DNAH5: variants seen among roughly 807,000 people sequenced by gnomAD.
DNAH5 encodes dynein axonemal heavy chain 5.
A neutral mutation model predicts 518.2 loss-of-function variants in DNAH5; 372 were observed. The observed-to-expected ratio is 0.72, with a 90% CI of 0.66 to 0.78. The LOEUF is 0.78. Among genes scored for constraint, DNAH5 ranks in the 30% least tolerant of loss-of-function variants. The pLI is 0.00. For synonymous variants in DNAH5, 2,039 were observed against 2,025.9 expected (o/e 1.01, Z -0.17); for missense variants, 5,523 against 5,687.0 (o/e 0.97, Z 0.93).
In DNAH5 at chr5:13,859,572, T is replaced by C. The variant is rs770184036; in HGVS notation, c.4830A>G (p.Lys1610=). The change falls in exon 30 of 79, where the codon AAA becomes AAG. Residue 1610 remains lysine, a synonymous_variant. Transcript: ENST00000265104. The part of the protein sequence containing the change: ...YNMPFKAQIQ[K]WVQYLSNSTD... ...TTGAGTTGGAAAGGTACTGCACCCA[T>C]TTTTGAATCTGGGCTTTGAATGGCA... 5 of 1,614,076 alleles carry C rather than the reference T, an allele frequency of 3.1e-6. No individual in the cohort carries two copies. The highest frequency in any genetic ancestry group is 4.2e-6 in the Non-Finnish European group (5 of 1,179,932).
intron 30 of DNAH5, among the ~76,000 whole-genome samples, chr5:13,853,376 G>GTTCT (rs1767162507): frequency 3.9e-5 from 6 of 152,106 alleles, no homozygotes; most frequent in Non-Finnish European, 8.8e-5. Flanking sequence ...GTCACCAACA[G>GTTCT]CAAAGACCAA....
In DNAH5 at chr5:13,885,005, G is replaced by A; in HGVS notation, c.2967C>T (p.His989=). 2 of 1,614,188 alleles carry A rather than the reference G, an allele frequency of 1.2e-6. No individual in the cohort carries two copies. Among genetic ancestry groups the A allele is most frequent in the Non-Finnish European group, 1.7e-6 (2 of 1,180,028 alleles). The part of the protein sequence containing the change: ...EAIRKRIHSS[H]TINFRDSNSA... ...GATTATTACCCCGGAAGTTAATTGT[G>A]TGAGAGGAATGAATACGTTTGCGAA... is the stretch of plus-strand genomic sequence containing the variant. Residue 989 remains histidine (H), a synonymous_variant, in exon 19 of 79, where the codon CAC becomes CAT. Transcript: ENST00000265104.
At chr5:13,753,036 G>T (rs886503929) in intron 63 of DNAH5, among the ~76,000 whole-genome samples, 197 bp downstream of exon 63, 1 of 152,198 alleles carries the variant, frequency 6.6e-6, no homozygotes, top group Admixed American at 6.5e-5. Flanking sequence ...GGCATTGGTA[G>T]AGATCAACAC....
chr5:13,946,357 T>A (rs1245295921), upstream of DNAH5, among the ~76,000 whole-genome samples: 1 of 152,178 alleles, frequency 6.6e-6, no homozygotes, highest in Non-Finnish European at 1.5e-5. Flanking sequence ...CCTTCCAGTC[T>A]GTGTGGCTGA....
intron 78 of DNAH5, among the ~76,000 whole-genome samples, chr5:13,699,820 C>G (rs966400893): frequency 2.6e-5 from 4 of 152,186 alleles, no homozygotes; most frequent in African/African-American, 9.7e-5. Context: ...TTGGGATCCA[C>G]TATCATGGCT....
chr5:13,829,420 G>T, intron 38 of DNAH5, 90 bp downstream of exon 38: 1 of 1,351,242 alleles, frequency 7.4e-7, no homozygotes, highest in Non-Finnish European at 1.1e-6. Flanking sequence ...TTGTCAACAA[G>T]CCCAGTCTAG....
intron 1 of DNAH5, among the ~76,000 whole-genome samples, chr5:13,969,706 A>T (rs1454810417): frequency 6.6e-6 from 1 of 152,178 alleles, no homozygotes; most frequent in African/African-American, 2.4e-5. Flanking sequence ...AAATTTATCA[A>T]GACTTGTTTT....
intron 22 of DNAH5, among the ~76,000 whole-genome samples, chr5:13,875,254 G>C (rs1437536610): frequency 1.3e-5 from 2 of 152,098 alleles, no homozygotes; most frequent in African/African-American, 2.4e-5. Flanking sequence ...GATCACCTGA[G>C]GTCAGGAGTT....
At chr5:13,916,987 C>T (rs954381542) in intron 8 of DNAH5, among the ~76,000 whole-genome samples, 156 bp downstream of exon 8, 13 of 152,032 alleles carry the variant, frequency 8.6e-5, no homozygotes, top group Non-Finnish European at 1.3e-4. Context: ...TGTGCGTCTG[C>T]GTGTATATAC....
At chr5:13,924,407 G>A (rs1398982662) in intron 3 of DNAH5, among the ~76,000 whole-genome samples, 1 of 152,024 alleles carries the variant, frequency 6.6e-6, no homozygotes, top group African/African-American at 2.4e-5. Flanking sequence ...CGGGCGTGGT[G>A]GCTCATGCTT....
Position 13,864,412 on chromosome 5 carries a change from A to C in DNAH5, c.4581T>G (p.Tyr1527Ter). Residue 1527 changes from tyrosine to a stop codon, truncating the protein, a stop_gained, in exon 28 of 79, where the codon TAT becomes TAG. Coordinates refer to ENST00000265104, the MANE Select transcript of DNAH5 (RefSeq NM_001369.3). LOFTEE classifies it high-confidence loss of function. ...RNIMEAPLLK[Y>*]KEEIEDICIS... ...CATACTCTACCTCTATTTCCTCTTTATATTTCAGAAGAGGTGCCTCCATGA... is the reference window on the plus strand; with the variant it reads ...CATACTCTACCTCTATTTCCTCTTTCTATTTCAGAAGAGGTGCCTCCATGA... 6.2e-7 allele frequency: 1 copy of C among 1,613,978 alleles called. No homozygotes were observed. Among genetic ancestry groups the C allele is most frequent in the East Asian group, 2.2e-5 (1 of 44,876 alleles).
At chr5:13,864,694 ACCAAGACGG>A in intron 27 of DNAH5, 57 bp from the exon 28 acceptor site, 1 of 1,588,746 alleles carries the variant, frequency 6.3e-7, no homozygotes, top group Non-Finnish European at 8.6e-7. Flanking sequence ...ACATCACTGG[ACCAAGACGG>A]TCTGCTAGTA....
intron 43 of DNAH5, 28 bp downstream of exon 43, chr5:13,814,577 A>G: frequency 6.2e-7 from 1 of 1,610,366 alleles, no homozygotes; most frequent in Non-Finnish European, 8.5e-7. Context: ...TTCCTTTTTA[A>G]TTATACAAAA....
intron 70 of DNAH5, 104 bp from the exon 71 acceptor site, chr5:13,721,349 T>C: frequency 7.2e-7 from 1 of 1,393,670 alleles, no homozygotes; most frequent in East Asian, 2.3e-5. Flanking sequence ...CTCAGTGATG[T>C]CCACAGTAAC....
At position 13,786,219 on chromosome 5, in the gene DNAH5, T is replaced by C. The variant is rs1426649944; in HGVS notation, c.8780A>G (p.Asp2927Gly). The change falls in exon 52 of 79, where the codon GAC becomes GGC. Residue 2927 changes from aspartate to glycine, a missense_variant. By Grantham distance (94) the Asp-to-Gly change is moderately conservative (BLOSUM62 -1). Around this residue, in one of 3 missense-constraint regions of DNAH5, gnomAD observed 5,121 missense variants for 5,223.3 expected, o/e 0.98. Coordinates refer to ENST00000265104, the MANE Select transcript of DNAH5 (RefSeq NM_001369.3). The part of the protein sequence containing the change: ...YNESIRGAGM[D>G]MVFFADAMVH... The stretch of plus-strand genomic sequence containing the variant: ...CATGGCATCTGCAAAGAACACCATG[T>C]CCATGCCGGCGCCACGGATGCTCTC... 3.7e-6 allele frequency: 6 copies of C among 1,614,070 alleles called. No homozygotes were observed. The highest frequency in any genetic ancestry group is 2.7e-5 in the African/African-American group (2 of 75,038).
In DNAH5 at chr5:13,792,024, G is replaced by T. The variant is rs769684045; in HGVS notation, c.8418C>A (p.Asn2806Lys). Residue 2806 changes from asparagine (N) to lysine (K), a missense_variant, in exon 50 of 79, where the codon AAC becomes AAA. Around this residue, in one of 3 missense-constraint regions of DNAH5, gnomAD observed 5,121 missense variants for 5,223.3 expected, o/e 0.98. Transcript: ENST00000265104. The stretch of plus-strand genomic sequence containing the variant: ...GTTCCTTGATGACCTCTGAAGTAGT[G>T]TTCAGCATTCCCTGCCAGACCCGAG... ...DLSRVWQGML[N>K]TTSEVIKEPN... The T allele has an allele frequency of 6.2e-7, 1 of 1,613,944 alleles. No individual in the cohort carries two copies. The highest frequency in any genetic ancestry group is 8.5e-7 in the Non-Finnish European group (1 of 1,179,942).
intron 1 of DNAH5, among the ~76,000 whole-genome samples, chr5:13,959,991 T>A (rs906913016): frequency 1.3e-5 from 2 of 151,696 alleles, no homozygotes; most frequent in African/African-American, 2.4e-5. Context: ...TCCTCATGAC[T>A]GAGTCCAGGA....
intron 58 of DNAH5, among the ~76,000 whole-genome samples, chr5:13,768,700 A>T (rs1752867754): frequency 6.6e-6 from 1 of 152,238 alleles, no homozygotes; most frequent in Non-Finnish European, 1.5e-5. Flanking sequence ...CAGAGTTGAA[A>T]TGAGGACCCA....
chr5:13,960,708 G>A (rs919654813), intron 1 of DNAH5, among the ~76,000 whole-genome samples: 4 of 152,132 alleles, frequency 2.6e-5, no homozygotes, highest in East Asian at 1.9e-4. Context: ...GGCACAGCCC[G>A]GCTCCATGCT....
Sources: gnomAD v4.1 joint callset for allele counts (sites outside exome capture counted in the v4.1 genomes callset) on GRCh38, gnomAD v4.1.1 for gene constraint, gnomAD v4.1.1 regional missense constraint, MANE v1.5 for transcripts, NCBI Gene and HGNC (gene_info 2026-07-23, HGNC 2026-07-21) for gene names.